The following PAH variants were observed in gnomAD, a reference collection of about 807,000 sequenced individuals.
The protein encoded by PAH is phenylalanine hydroxylase, also known as phenylalanine-4-hydroxylase.
Under a neutral mutation model 62.0 loss-of-function variants are expected in PAH, and 64 were observed. The observed-to-expected ratio is 1.03, with a 90% CI of 0.84 to 1.27. The LOEUF is 1.27. Ranked by LOEUF, PAH falls within the 50% of genes most tolerant of loss-of-function variation. PAH has a pLI of 0.00. For missense variants in PAH, 579 were observed against 542.8 expected, an observed-to-expected ratio of 1.07 and a Z score of -0.66; for synonymous variants, 195 against 196.2, an observed-to-expected ratio of 0.99 and a Z score of 0.05.
intron 12 of PAH, among the ~76,000 whole-genome samples, chr12:102,839,604 T>C (rs1266445406): frequency 6.6e-6 from 1 of 152,222 alleles, no homozygotes; most frequent in East Asian, 1.9e-4. Flanking sequence ...GTCTATAAAC[T>C]CCCAAAAGTT....
At chr12:102,847,566 A>G (rs965196446) in intron 8 of PAH, among the ~76,000 whole-genome samples, 3 of 152,340 alleles carry the variant, frequency 2.0e-5, no homozygotes, top group African/African-American at 7.2e-5. Context: ...TTGATGTGCC[A>G]GGCAGTGTAT....
At chr12:102,843,276 C>A (rs1419801953) in intron 11 of PAH, among the ~76,000 whole-genome samples, 3 of 151,922 alleles carry the variant, frequency 2.0e-5, no homozygotes, top group Admixed American at 6.6e-5. Flanking sequence ...GGTAAAGACA[C>A]AAAGGAGGAA....
In PAH at chr12:102,843,629, C is replaced by T. The variant is rs62508613; in HGVS notation, c.1199+17G>A. On this transcript the variant is annotated intron_variant, in intron 11 of 12. Coordinates refer to ENST00000553106, the MANE Select transcript of PAH (RefSeq NM_000277.3). ...GAGGCCCCCAGAGCTAGTGGCTCAC[C>T]TTTGTCACCACCTCACCTTACTTTC... The T allele has an allele frequency of 2.5e-6, 4 of 1,613,152 alleles. No homozygotes were observed. The highest frequency in any genetic ancestry group is 1.7e-5 in the Admixed American group (1 of 59,936).
chr12:102,862,738 G>C (rs12306510), intron 5 of PAH, among the ~76,000 whole-genome samples: 32,274 of 152,048 alleles, frequency 0.21, 4,017 homozygotes, highest in Admixed American at 0.36. Context: ...TGAGACTGTT[G>C]ATCTCAGAAT....
At chr12:102,867,954 T>A (rs555167722) in intron 4 of PAH, among the ~76,000 whole-genome samples, 41 of 137,646 alleles carry the variant, frequency 3.0e-4, no homozygotes, top group African/African-American at 1.1e-3. Context: ...TATATACATA[T>A]ATAGATGTAT....
chr12:102,856,741 A>T (rs1483337618), intron 5 of PAH, among the ~76,000 whole-genome samples: 1 of 152,260 alleles, frequency 6.6e-6, no homozygotes, highest in Non-Finnish European at 1.5e-5. Context: ...GTGGACCTCC[A>T]GCCAACTCCA....
At chr12:102,875,647 T>TG (rs1876530772) in intron 4 of PAH, among the ~76,000 whole-genome samples, 1 of 152,176 alleles carries the variant, frequency 6.6e-6, no homozygotes, top group Non-Finnish European at 1.5e-5. Flanking sequence ...TAGGATGGAA[T>TG]GGGGGTCAAA....
chr12:102,937,838 T>C (rs1879156292), intron 1 of PAH, among the ~76,000 whole-genome samples: 1 of 152,248 alleles, frequency 6.6e-6, no homozygotes, highest in Admixed American at 6.5e-5. Context: ...CCCTTTAGCA[T>C]TTCATGTAGG....
chr12:102,872,367 G>A (rs1367322175), intron 4 of PAH, among the ~76,000 whole-genome samples: 1 of 152,068 alleles, frequency 6.6e-6, no homozygotes, highest in Non-Finnish European at 1.5e-5. Flanking sequence ...CCTCAATAGT[G>A]AGTTAAATGG....
chr12:102,932,469 G>A (rs1447876878), intron 1 of PAH, among the ~76,000 whole-genome samples: 1 of 152,132 alleles, frequency 6.6e-6, no homozygotes, highest in Non-Finnish European at 1.5e-5. Flanking sequence ...AAAGATCGCT[G>A]GTGATCCTAG....
rs184038283 is a variant in PAH at position 102,862,573 on chromosome 12, A to T, written c.509+4023T>A. On this transcript the variant is annotated intron_variant, in intron 5 of 12. Coordinates refer to ENST00000553106, the MANE Select transcript of PAH (RefSeq NM_000277.3). ...AATGAAAGCTAAATTAAAGATTTTA[A>T]AAAAAAAGTCCTTTTGAAAACCACC... Among the ~76,000 whole-genome samples, 88 of 152,072 alleles carry T rather than the reference A, an allele frequency of 5.8e-4. 1 individual carries two copies. The South Asian group carries it at 7.7e-3, about 13-fold the overall frequency.
intron 5 of PAH, among the ~76,000 whole-genome samples, chr12:102,865,179 G>A (rs920095335): frequency 6.6e-6 from 1 of 152,152 alleles, no homozygotes; most frequent in African/African-American, 2.4e-5. Context: ...ATGAGAAGGA[G>A]GTTGAGGAGG....
intron 8 of PAH, among the ~76,000 whole-genome samples, chr12:102,850,539 A>G (rs1875097403): frequency 6.6e-6 from 1 of 152,206 alleles, no homozygotes; most frequent in Non-Finnish European, 1.5e-5. Flanking sequence ...AGGTCATTCC[A>G]TTTGATTCTT....
At chr12:102,932,677 T>C (rs1330251922) in intron 1 of PAH, among the ~76,000 whole-genome samples, 5 of 152,224 alleles carry the variant, frequency 3.3e-5, no homozygotes, top group Admixed American at 3.3e-4. Flanking sequence ...TCTGCCTTTT[T>C]TGAGACACCA....
At position 102,865,142 on chromosome 12, in the gene PAH, C is replaced by T. The variant is rs190607533; in HGVS notation, c.509+1454G>A. Among the ~76,000 whole-genome samples, 586 of 152,264 alleles carry T rather than the reference C, an allele frequency of 3.8e-3. 6 individuals are homozygous for T. Among genetic ancestry groups the T allele is most frequent in the Non-Finnish European group, 1.8e-3 (125 of 68,018 alleles). On this transcript the variant is annotated intron_variant, in intron 5 of 12. Transcript: ENST00000553106. ...ATTGTGAGGTGATTCACCAATTTCA[C>T]TCTTCTTCATAAGGTTTCACATTTC...
At chr12:102,891,758 T>C (rs1877284544) in intron 3 of PAH, among the ~76,000 whole-genome samples, 1 of 152,068 alleles carries the variant, frequency 6.6e-6, no homozygotes, top group Non-Finnish European at 1.5e-5. Context: ...ACTAAGAACC[T>C]CCTTTCTGAG....
At chr12:102,851,224 T>C (rs1235012823) in intron 8 of PAH, among the ~76,000 whole-genome samples, 1 of 152,224 alleles carries the variant, frequency 6.6e-6, no homozygotes, top group African/African-American at 2.4e-5. Flanking sequence ...GCTCATTTTT[T>C]TCTTTGTTAA....
rs116747677 is a variant in PAH, at chr12:102,930,852, C to T, written c.-95-13627G>A. 4.7e-3 allele frequency among the ~76,000 whole-genome samples: 713 copies of T among 152,264 alleles called. 4 individuals are homozygous for T. The highest frequency in any genetic ancestry group is 0.017 in the African/African-American group (692 of 41,542). ...TATGAGAATTCCTGTTTGTAAGGCA[C>T]AAATCTTTAGTGGTTCTACAACTAC... On this transcript the variant is annotated intron_variant, in intron 1 of 3. Transcript: ENST00000546844.
chr12:102,865,836 AT>A (rs1442709211), intron 5 of PAH, among the ~76,000 whole-genome samples: 2 of 152,192 alleles, frequency 1.3e-5, no homozygotes, highest in East Asian at 3.8e-4. Flanking sequence ...CTGAGATTCT[AT>A]CAAAGCTGTC....
Sources: gnomAD v4.1 joint callset for allele counts (sites outside exome capture counted in the v4.1 genomes callset) on GRCh38, gnomAD v4.1.1 for gene constraint, MANE v1.5 for transcripts, NCBI Gene and HGNC (gene_info 2026-07-23, HGNC 2026-07-21) for gene names.